The following MSI2 variants were observed in gnomAD, a reference collection of about 807,000 sequenced individuals.
MSI2 encodes musashi RNA binding protein 2, also known as RNA-binding protein Musashi homolog 2.
In MSI2, 17 loss-of-function variants were observed where a neutral mutation model predicts 45.6. That is an observed-to-expected ratio of 0.37 (90% CI 0.26 to 0.56). MSI2 has a LOEUF of 0.56. Among genes scored for constraint, MSI2 ranks in the 20% least tolerant of loss-of-function variants. The pLI, the probability that MSI2 is intolerant of heterozygous loss-of-function variation, is 0.77. For synonymous variants in MSI2, 156 were observed against 158.2 expected (o/e 0.99, Z 0.11); for missense variants, 293 against 444.2 (o/e 0.66, Z 3.06).
chr17:57,310,741 A>G (rs1912328617), intron 5 of MSI2, among the ~76,000 whole-genome samples: 1 of 152,182 alleles, frequency 6.6e-6, no homozygotes, highest in African/African-American at 2.4e-5. Flanking sequence ...CCACGGGGAT[A>G]TTAATGAGTG....
intron 5 of MSI2, among the ~76,000 whole-genome samples, chr17:57,333,328 G>A (rs1161551009): frequency 1.3e-5 from 2 of 152,062 alleles, no homozygotes; most frequent in African/African-American, 4.8e-5. Flanking sequence ...CCCCTGGAAA[G>A]TTCCCAGTGG....
intron 8 of MSI2, among the ~76,000 whole-genome samples, chr17:57,606,564 A>T (rs977085094): frequency 6.6e-6 from 1 of 152,040 alleles, no homozygotes; most frequent in Non-Finnish European, 1.5e-5. Flanking sequence ...GATATTGGGG[A>T]CCAGCTCCTC....
chr17:57,639,763 C>A (rs986318035), intron 10 of MSI2, among the ~76,000 whole-genome samples: 2 of 143,706 alleles, frequency 1.4e-5, no homozygotes, highest in East Asian at 3.9e-4. Context: ...TAGTGGGGAA[C>A]CTGCTTAGGG....
intron 11 of MSI2, among the ~76,000 whole-genome samples, chr17:57,655,529 C>G (rs1348319789): frequency 6.6e-6 from 1 of 151,906 alleles, no homozygotes; most frequent in South Asian, 2.1e-4. Context: ...AGCCAGGACC[C>G]CTTACTGTAC....
chr17:57,665,177 C>A lies in MSI2; in HGVS notation c.791-9795C>A, dbSNP rs184781268. On this transcript the variant is annotated intron_variant, in intron 11 of 13. Coordinates refer to ENST00000284073, the MANE Select transcript of MSI2 (RefSeq NM_138962.4). The stretch of plus-strand genomic sequence containing the variant: ...CTTCCCAGCAGGGTCAGGAAGGCCA[C>A]CCTCCAGGGTGGACCAAGGGGTTTT... 2.0e-5 allele frequency among the ~76,000 whole-genome samples: 3 copies of A among 152,322 alleles called. No individual in the cohort carries two copies. In the East Asian group the frequency reaches 5.8e-4, roughly 29 times the overall value.
intron 4 of MSI2, 61 bp from the exon 5 acceptor site, chr17:57,262,090 A>T: frequency 6.6e-7 from 1 of 1,511,080 alleles, no homozygotes; most frequent in Non-Finnish European, 9.2e-7. Context: ...TTAGGTGATT[A>T]ATCATATATT....
At chr17:57,413,417 G>T (rs1355651421) in intron 6 of MSI2, among the ~76,000 whole-genome samples, 2 of 149,948 alleles carry the variant, frequency 1.3e-5, no homozygotes, top group African/African-American at 2.5e-5. Context: ...CCCTGGCTTT[G>T]ATGAAAGAGT....
chr17:57,309,558 G>A (rs1404396790), intron 5 of MSI2, among the ~76,000 whole-genome samples: 3 of 152,164 alleles, frequency 2.0e-5, no homozygotes, highest in Non-Finnish European at 2.9e-5. Flanking sequence ...ATATTGTGTA[G>A]GTGTATAATG....
At position 57,257,123 on chromosome 17, in the gene MSI2, T is replaced by G. The variant is rs765674118; in HGVS notation, c.88T>G (p.Trp30Gly). 4 of 862,080 alleles carry G rather than the reference T, an allele frequency of 4.6e-6. No homozygotes were observed. In the Admixed American group the frequency reaches 5.9e-5, roughly 13 times the overall value. 53.4% of individuals were successfully genotyped at this position (862,080 alleles called of 1,614,324 possible). A position where few individuals can be genotyped will look rare whatever the true frequency, so the allele number is the denominator to read the frequency against. ...TAAAATGTTTATCGGTGGACTGAGC[T>G]GGCAGACCTCACCAGGTAAGGGAGG... ...PGKMFIGGLS[W>G]QTSPDSLRDY... Residue 30 changes from tryptophan (W) to glycine (G), a missense_variant, in exon 2 of 14, where the codon TGG becomes GGG. By Grantham distance (184) the Trp-to-Gly change is radical (BLOSUM62 -2). Coordinates refer to ENST00000284073, the MANE Select transcript of MSI2 (RefSeq NM_138962.4).
At chr17:57,343,322 CTTT>C (rs555791940) in intron 5 of MSI2, among the ~76,000 whole-genome samples, 2 of 142,532 alleles carry the variant, frequency 1.4e-5, no homozygotes, top group Admixed American at 7.0e-5. Flanking sequence ...CTCCCTTTTG[CTTT>C]TTTTTTTTTT....
chr17:57,531,483 TCTG>T lies in MSI2; in HGVS notation c.454+1763_454+1765del, dbSNP rs767415452. 3.3e-5 allele frequency among the ~76,000 whole-genome samples: 5 copies of T among 152,308 alleles called. No homozygotes were observed. The South Asian group carries it at 8.3e-4, about 25-fold the overall frequency. ...GGTCTCAGGACTATTGATTTCAAAT[TCTG>T]CTGTTTCTCTGCTGTGTCCAGATGG... On this transcript the variant is annotated intron_variant, in intron 7 of 13. Transcript: ENST00000284073.
the MSI2 span, among the ~76,000 whole-genome samples, chr17:57,694,575 T>C: frequency 6.6e-6 from 1 of 152,192 alleles, no homozygotes; most frequent in Non-Finnish European, 1.5e-5. Flanking sequence ...TAATTAACAG[T>C]TTTGCCACTT....
At chr17:57,548,898 T>TCCCCCCCCCCCCCCCCCCCCCCCC (rs758120237) in intron 7 of MSI2, among the ~76,000 whole-genome samples, 8 of 121,272 alleles carry the variant, frequency 6.6e-5, no homozygotes, top group East Asian at 2.3e-4. Flanking sequence ...TGTTTACCCT[T>TCCCCCCCCCCCCCCCCCCCCCCCC]CCCCCCCCCA....
intron 6 of MSI2, among the ~76,000 whole-genome samples, chr17:57,425,522 T>C (rs2084474718): frequency 6.6e-6 from 1 of 152,164 alleles, no homozygotes. Flanking sequence ...CCTTTTCTGG[T>C]CAGTAGTATG....
intron 5 of MSI2, among the ~76,000 whole-genome samples, chr17:57,321,252 G>A (rs549121833): frequency 2.4e-3 from 366 of 151,912 alleles, no homozygotes; most frequent in African/African-American, 8.3e-3. Flanking sequence ...TGAGTCTCCC[G>A]CCCGCGGCTT....
At chr17:57,676,639 G>A (rs186355651) in intron 12 of MSI2, among the ~76,000 whole-genome samples, 21 of 152,350 alleles carry the variant, frequency 1.4e-4, no homozygotes, top group South Asian at 4.1e-4. Flanking sequence ...AGCTAGAGCC[G>A]TTGGGACTGC....
intron 7 of MSI2, among the ~76,000 whole-genome samples, chr17:57,564,935 A>G (rs970346801): frequency 7.9e-5 from 12 of 152,164 alleles, no homozygotes; most frequent in African/African-American, 2.9e-4. Context: ...CTGTGCGTTT[A>G]TCTGTTTCAC....
chr17:57,478,979 A>C (rs912261868), intron 6 of MSI2, among the ~76,000 whole-genome samples: 5 of 152,188 alleles, frequency 3.3e-5, no homozygotes, highest in African/African-American at 1.2e-4. Flanking sequence ...GGTGGAAAAC[A>C]GAACTCCAGC....
chr17:57,586,756 T>A (rs1401327320), intron 7 of MSI2, among the ~76,000 whole-genome samples: 6 of 151,904 alleles, frequency 3.9e-5, no homozygotes. Flanking sequence ...CTCATACCTG[T>A]GATCCCACCC....
Sources: gnomAD v4.1 joint callset for allele counts (sites outside exome capture counted in the v4.1 genomes callset) on GRCh38, gnomAD v4.1.1 for gene constraint, MANE v1.5 for transcripts, NCBI Gene and HGNC (gene_info 2026-07-23, HGNC 2026-07-21) for gene names.